SH3GL1: variants seen among roughly 807,000 people sequenced by gnomAD.
SH3GL1 encodes endophilin-A2.
Under a neutral mutation model 48.8 loss-of-function variants are expected in SH3GL1, and 21 were observed. The observed-to-expected ratio is 0.43, with a 90% confidence interval of 0.30 to 0.62. The LOEUF (loss-of-function observed/expected upper bound fraction) is 0.62. SH3GL1 is among the 20% of genes least tolerant of loss of function. The pLI, the probability that SH3GL1 is intolerant of heterozygous loss-of-function variation, is 0.11. For synonymous variants in SH3GL1, 282 were observed against 217.5 expected, an observed-to-expected ratio of 1.30 and a Z score of -2.61; for missense variants, 454 against 503.0, an observed-to-expected ratio of 0.90 and a Z score of 0.93.
intron 1 of SH3GL1, among the ~76,000 whole-genome samples, chr19:4,391,531 A>C (rs768528288): frequency 1.6e-4 from 25 of 152,196 alleles, no homozygotes; most frequent in Non-Finnish European, 3.1e-4. Context: ...ACTGTACAGC[A>C]GTCACGGGTG....
intron 9 of SH3GL1, among the ~76,000 whole-genome samples, chr19:4,362,104 TAGA>T (rs1972633903): frequency 6.6e-6 from 1 of 152,208 alleles, no homozygotes; most frequent in Admixed American, 6.5e-5. Flanking sequence ...CCACACAGCC[TAGA>T]GCTAGCTGGG....
At chr19:4,379,667 T>C (rs1973081241) in intron 1 of SH3GL1, among the ~76,000 whole-genome samples, 1 of 152,070 alleles carries the variant, frequency 6.6e-6, no homozygotes, top group African/African-American at 2.4e-5. Flanking sequence ...TCCCTGGGGA[T>C]GTCCCGCCCT....
At position 4,362,352 on chromosome 19, in the gene SH3GL1, ATGG is replaced by A; in HGVS notation, c.884_886del (p.Pro295_Ile296delinsLeu). On this transcript the variant is annotated inframe_deletion, in exon 9 of 10. Transcript: ENST00000269886. ...ACGCATGCTCCGGCTAGGGGTCCGG[ATGG>A]GCTTGTCGGAAGATCGGAAAGACGA... The A allele has an allele frequency of 6.2e-7, 1 of 1,612,348 alleles. No homozygotes were observed. Among genetic ancestry groups the A allele is most frequent in the East Asian group, 2.2e-5 (1 of 44,836 alleles).
chr19:4,378,547 T>C (rs558672285), intron 1 of SH3GL1, among the ~76,000 whole-genome samples: 70 of 152,038 alleles, frequency 4.6e-4, no homozygotes, highest in African/African-American at 1.7e-3. Flanking sequence ...AAACCCCATC[T>C]CTACTAAAAA....
chr19:4,365,483 A>G lies in SH3GL1; in HGVS notation c.330T>C (p.Phe110=), dbSNP rs1307862843. The G allele has an allele frequency of 3.7e-6, 6 of 1,613,558 alleles. No individual in the cohort carries two copies. Among genetic ancestry groups the G allele is most frequent in the Admixed American group, 1.7e-5 (1 of 60,016 alleles). ...TGGCTTCCAGAGAGCACCACTCACC[A>G]AAGTTGGACTCGCCGCCCAGCTCCT... is the stretch of plus-strand genomic sequence containing the variant. ...HGKELGGESN[F]GDALLDAGES... The change falls in exon 4 of 10, where the codon TTT becomes TTC. Residue 110 remains phenylalanine (F), a splice_region_variant and synonymous_variant. Coordinates refer to ENST00000269886, the MANE Select transcript of SH3GL1 (RefSeq NM_003025.4).
At chr19:4,392,856 C>T (rs1029763987) in intron 1 of SH3GL1, among the ~76,000 whole-genome samples, 8 of 151,768 alleles carry the variant, frequency 5.3e-5, no homozygotes, top group Admixed American at 3.9e-4. Context: ...GCAGGAGAAT[C>T]GCTTGAACTG....
In SH3GL1 at chr19:4,361,085, G is replaced by A. The variant is rs893010292; in HGVS notation, c.*515C>T. On this transcript the variant is annotated 3_prime_UTR_variant, in exon 10 of 10. Transcript: ENST00000269886. ...GTGAGGCGGGGGTGCATTGGCCCTG[G>A]AGTAGGGCCAGGGCCCATCACCAGC... The A allele has an allele frequency of 1.3e-5, 3 of 237,896 alleles. No homozygotes were observed. Among genetic ancestry groups the A allele is most frequent in the Non-Finnish European group, 2.5e-5 (3 of 121,394 alleles). The allele number at this position is 237,896 out of a possible 1,614,324, so 14.7% of individuals were successfully genotyped here.
intron 1 of SH3GL1, among the ~76,000 whole-genome samples, chr19:4,382,133 G>A (rs1026865851): frequency 2.6e-5 from 4 of 151,998 alleles, no homozygotes; most frequent in South Asian, 2.1e-4. Context: ...ATTGGCTCAC[G>A]GCCCCCTCCT....
intron 6 of SH3GL1, 89 bp from the exon 7 acceptor site, chr19:4,363,562 G>A (rs1382521723): frequency 2.8e-6 from 4 of 1,447,774 alleles, no homozygotes; most frequent in Non-Finnish European, 3.8e-6. Context: ...AGGAGGCAAG[G>A]GGGCTGAGAG....
chr19:4,398,549 T>A (rs1973463393), intron 1 of SH3GL1, among the ~76,000 whole-genome samples: 1 of 152,020 alleles, frequency 6.6e-6, no homozygotes, highest in Non-Finnish European at 1.5e-5. Context: ...ATTTTTGTAT[T>A]GTTAGTAGAG....
intron 1 of SH3GL1, among the ~76,000 whole-genome samples, chr19:4,386,745 A>C (rs1039928385): frequency 6.6e-6 from 1 of 151,832 alleles, no homozygotes; most frequent in African/African-American, 2.4e-5. Context: ...CTCTTTCCTG[A>C]GCCCAAATCC....
chr19:4,362,275 C>T, intron 9 of SH3GL1, 54 bp downstream of exon 9: 1 of 1,557,100 alleles, frequency 6.4e-7, no homozygotes. Flanking sequence ...AAACACCCTC[C>T]CCGAATGGCC....
At chr19:4,368,286 G>A (rs1161874279) in intron 1 of SH3GL1, among the ~76,000 whole-genome samples, 1 of 152,228 alleles carries the variant, frequency 6.6e-6, no homozygotes, top group African/African-American at 2.4e-5. Flanking sequence ...GCTGGGGGGT[G>A]TCCAGCAGGG....
intron 4 of SH3GL1, among the ~76,000 whole-genome samples, chr19:4,364,900 A>ATGTGTGTGTGTG (rs1450166207): frequency 4.7e-5 from 4 of 85,726 alleles, no homozygotes; most frequent in African/African-American, 1.8e-4. Context: ...GTGTGTGTGT[A>ATGTGTGTGTGTG]TATATATATA....
chr19:4,393,745 G>A (rs549598338), intron 1 of SH3GL1, among the ~76,000 whole-genome samples: 30 of 152,116 alleles, frequency 2.0e-4, no homozygotes, highest in Non-Finnish European at 4.0e-4. Context: ...AGCAGAGATC[G>A]CGCCACTGCA....
At chr19:4,378,074 G>C (rs1439240728) in intron 1 of SH3GL1, among the ~76,000 whole-genome samples, 1 of 152,242 alleles carries the variant, frequency 6.6e-6, no homozygotes, top group East Asian at 1.9e-4. Context: ...AGCAGGGCCA[G>C]GCACAGGGAC....
At chr19:4,387,633 T>A (rs1973260233) in intron 1 of SH3GL1, among the ~76,000 whole-genome samples, 1 of 151,232 alleles carries the variant, frequency 6.6e-6, no homozygotes, top group African/African-American at 2.4e-5. Flanking sequence ...GGCTCAGGGG[T>A]GGGGTATCCA....
At chr19:4,375,064 C>G (rs1016305957) in intron 1 of SH3GL1, among the ~76,000 whole-genome samples, 4 of 152,214 alleles carry the variant, frequency 2.6e-5, no homozygotes, top group Admixed American at 2.6e-4. Flanking sequence ...TGAGCCCGAC[C>G]TGCTCCCCTC....
intron 9 of SH3GL1, 89 bp from the exon 10 acceptor site, chr19:4,361,885 G>T: frequency 1.0e-6 from 1 of 978,226 alleles, no homozygotes; most frequent in Non-Finnish European, 1.6e-6. Context: ...CCTGGAGCGT[G>T]TGGGTGGGCA....
Sources: gnomAD v4.1 joint callset for allele counts (sites outside exome capture counted in the v4.1 genomes callset) on GRCh38, gnomAD v4.1.1 for gene constraint, MANE v1.5 for transcripts, NCBI Gene and HGNC (gene_info 2026-07-23, HGNC 2026-07-21) for gene names.